CARS1: variants seen among roughly 807,000 people sequenced by gnomAD.
CARS1 encodes the protein cysteinyl-tRNA synthetase 1.
A neutral mutation model predicts 106.2 loss-of-function variants in CARS1; 48 were observed. The ratio of observed to expected loss-of-function variants is 0.45; its 90% confidence interval spans 0.36 to 0.57. The LOEUF (loss-of-function observed/expected upper bound fraction) is 0.57, where lower values mean the gene tolerates loss of function less well. CARS1 is among the 20% of genes least tolerant of loss of function. The probability of loss-of-function intolerance (pLI) is 0.00; values close to 1 mark genes in which losing one functional copy is unlikely to be tolerated. For missense variants in CARS1, 968 were observed against 1,057.2 expected, an observed-to-expected ratio of 0.92 and a Z score of 1.17; for synonymous variants, 409 against 403.4, an observed-to-expected ratio of 1.01 and a Z score of -0.17.
chr11:3,005,529 CGGT>C lies in CARS1; in HGVS notation c.2150-99_2150-97del. ...CCTGCCCTGCCCTGCCCAGACCATG[CGGT>C]GCTGCCCAGTCAGAGCGAGGGCCCA... On this transcript the variant is annotated intron_variant, in intron 19 of 22. Coordinates refer to ENST00000380525, the MANE Select transcript of CARS1 (RefSeq NM_001014437.3). 3 of 873,756 alleles carry C rather than the reference CGGT, an allele frequency of 3.4e-6. No homozygotes were observed. The Admixed American group carries it at 7.0e-5, about 20-fold the overall frequency. 54.1% of individuals were successfully genotyped at this position (873,756 alleles called of 1,614,324 possible). A position where few individuals can be genotyped will look rare whatever the true frequency, so the allele number is the denominator to read the frequency against.
chr11:3,006,983 C>T (rs1590323459), intron 18 of CARS1, 24 bp from the exon 19 acceptor site: 2 of 1,601,940 alleles, frequency 1.2e-6, no homozygotes, highest in Non-Finnish European at 1.7e-6. Flanking sequence ...AGAGCAGTTC[C>T]CTCAGACATG....
chr11:3,032,486 T>G (rs1852982391), intron 7 of CARS1, among the ~76,000 whole-genome samples: 1 of 152,154 alleles, frequency 6.6e-6, no homozygotes, highest in Non-Finnish European at 1.5e-5. Flanking sequence ...CGCTTCCTCC[T>G]GGCAAACTGT....
chr11:3,001,022 CT>C lies in CARS1; in HGVS notation c.*91del. ...CTCTTAATTTAGGACCCAAGGGTGA[CT>C]GTAAACATGATAGGAGCGCTGGGAC... On this transcript the variant is annotated 3_prime_UTR_variant, in exon 23 of 23. Coordinates refer to ENST00000380525, the MANE Select transcript of CARS1 (RefSeq NM_001014437.3). The C allele has an allele frequency of 7.0e-7, 1 of 1,430,112 alleles. No individual in the cohort carries two copies. The highest frequency in any genetic ancestry group is 1.2e-5 in the South Asian group (1 of 84,470). 88.6% of individuals were successfully genotyped at this position (1,430,112 alleles called of 1,614,324 possible).
Position 3,012,288 on chromosome 11 carries a change from A to G in CARS1, c.1987-12T>C, listed in dbSNP as rs571631653. On this transcript the variant is annotated splice_polypyrimidine_tract_variant and intron_variant, in intron 17 of 22. Transcript: ENST00000380525. ...ACTGTGGCCTCGAGCTGCGGAAAGA[A>G]CAGTTTTGGTTCACTGAGAGCTGCT... 2 of 1,613,544 alleles carry G rather than the reference A, an allele frequency of 1.2e-6. No individual in the cohort carries two copies. The highest frequency in any genetic ancestry group is 1.3e-5 in the African/African-American group (1 of 75,044).
rs185895441 is a variant in CARS1, at chr11:3,050,241, C to T, written c.26-2240G>A. ...GGGATGACTCTCGCTGGTGGGATGA[C>T]GAGTGCAGCGTCCCTCTAACTTGCC... On this transcript the variant is annotated intron_variant, in intron 1 of 22. Coordinates refer to ENST00000380525, the MANE Select transcript of CARS1 (RefSeq NM_001014437.3). This position sits in a 1 kb window ranked among gnomAD's most constrained non-coding sequence, Gnocchi z 6.3. 1.9e-3 allele frequency among the ~76,000 whole-genome samples: 289 copies of T among 152,196 alleles called. 2 individuals carry two copies. Among genetic ancestry groups the T allele is most frequent in the African/African-American group, 6.5e-3 (270 of 41,492 alleles).
At position 3,028,944 on chromosome 11, in the gene CARS1, C is replaced by T. The variant is rs1590417322; in HGVS notation, c.1031+52G>A. On this transcript the variant is annotated intron_variant, in intron 9 of 22. Coordinates refer to ENST00000380525, the MANE Select transcript of CARS1 (RefSeq NM_001014437.3). This position sits in a 1 kb window ranked among gnomAD's most constrained non-coding sequence, Gnocchi z 4.4. The stretch of plus-strand genomic sequence containing the variant: ...AGGCTCAGAGCTGGGGAGCTCCTCC[C>T]TGTGCGATGTTCTGCAGCCCTTCCC... 3.2e-6 allele frequency: 4 copies of T among 1,260,736 alleles called. No homozygotes were observed. The highest frequency in any genetic ancestry group is 3.5e-6 in the Non-Finnish European group (3 of 859,364). The allele number at this position is 1,260,736 out of a possible 1,614,324, so 78.1% of individuals were successfully genotyped here.
At position 3,039,079 on chromosome 11, in the gene CARS1, C is replaced by A; in HGVS notation, c.651+115G>T. 3 of 689,298 alleles carry A rather than the reference C, an allele frequency of 4.4e-6. No individual in the cohort carries two copies. Among genetic ancestry groups the A allele is most frequent in the South Asian group, 1.8e-5 (1 of 56,102 alleles). The allele number at this position is 689,298 out of a possible 1,614,324, so 42.7% of individuals were successfully genotyped here. On this transcript the variant is annotated intron_variant, in intron 6 of 22. Coordinates refer to ENST00000380525, the MANE Select transcript of CARS1 (RefSeq NM_001014437.3). The surrounding 1 kb of genome is among the most constrained non-coding windows in gnomAD (Gnocchi z 5.6). ...CCCCTGACGGAACTGGCTTGAGTAA[C>A]ATACACTTTGTGAAAGCCTGTGAGA...
chr11:3,049,707 G>A (rs563601683), intron 1 of CARS1, among the ~76,000 whole-genome samples: 1 of 152,314 alleles, frequency 6.6e-6, no homozygotes, highest in African/African-American at 2.4e-5. Flanking sequence ...CCTGGGCACA[G>A]GCTGCCCGAC....
chr11:3,032,501 G>C (rs569239844), intron 7 of CARS1, among the ~76,000 whole-genome samples: 1 of 152,302 alleles, frequency 6.6e-6, no homozygotes, highest in African/African-American at 2.4e-5. Context: ...AACTGTGTTG[G>C]AAATGAATTA....
At position 3,003,629 on chromosome 11, in the gene CARS1, A is replaced by C. The variant is rs1330364753; in HGVS notation, c.2218-1029T>G. 6.6e-6 allele frequency among the ~76,000 whole-genome samples: 1 copy of C among 152,154 alleles called. No individual in the cohort carries two copies. The highest frequency in any genetic ancestry group is 1.5e-5 in the Non-Finnish European group (1 of 67,996). ...GACTCAGGATGGGGCTGGGGCCAACAGGATCGAGCTCTTTCGAGATAGATG... is the reference window on the plus strand; with the variant it reads ...GACTCAGGATGGGGCTGGGGCCAACCGGATCGAGCTCTTTCGAGATAGATG... On this transcript the variant is annotated intron_variant, in intron 20 of 22. Coordinates refer to ENST00000380525, the MANE Select transcript of CARS1 (RefSeq NM_001014437.3). The surrounding 1 kb of genome is among the most constrained non-coding windows in gnomAD (Gnocchi z 4.8).
intron 1 of CARS1, among the ~76,000 whole-genome samples, chr11:3,051,795 C>A (rs1257531724): frequency 6.6e-6 from 1 of 152,224 alleles, no homozygotes; most frequent in Non-Finnish European, 1.5e-5. Context: ...TCTCCCCTGT[C>A]CCCTCCCTGA....
chr11:3,012,145 G>T (rs1286300489), intron 18 of CARS1, 50 bp downstream of exon 18: 18 of 1,513,776 alleles, frequency 1.2e-5, no homozygotes, highest in South Asian at 3.4e-5. Flanking sequence ...GGTCCGGGGA[G>T]CCCAGTGAGG....
At chr11:3,011,442 A>T (rs1274225506) in intron 18 of CARS1, among the ~76,000 whole-genome samples, 18 of 1,072 alleles carry the variant, frequency 0.017, no homozygotes, top group African/African-American at 0.074. Context: ...CATCTCTGCT[A>T]AAAAAAAAAA....
intron 22 of CARS1, 84 bp from the exon 23 acceptor site, chr11:3,001,332 A>G (rs1192254469): frequency 5.9e-6 from 9 of 1,513,996 alleles, no homozygotes; most frequent in Non-Finnish European, 7.2e-6. Flanking sequence ...CCCGTCTCAA[A>G]GTGTCTATCT....
At chr11:3,015,613 G>A (rs1017624382) in intron 17 of CARS1, among the ~76,000 whole-genome samples, 168 bp downstream of exon 17, 2 of 152,204 alleles carry the variant, frequency 1.3e-5, no homozygotes, top group African/African-American at 2.4e-5. Context: ...CAGGGCAGCT[G>A]ACCACACTTA....
Position 3,019,015 on chromosome 11 carries a change from A to C in CARS1, c.1395+124T>G, listed in dbSNP as rs1851308896. The C allele has an allele frequency of 8.3e-7, 1 of 1,204,242 alleles. No homozygotes were observed. The allele number at this position is 1,204,242 out of a possible 1,614,324, so 74.6% of individuals were successfully genotyped here. ...GATCAGGGTTCAGATTCCACCCACA[A>C]GCCCCGATGAAGGTGTCAAGTTCTA... On this transcript the variant is annotated intron_variant, in intron 12 of 22. Transcript: ENST00000380525. The surrounding 1 kb of genome is among the most constrained non-coding windows in gnomAD (Gnocchi z 6.2).
rs766848635 is a variant in CARS1, at chr11:3,038,080, G to A, written c.771C>T (p.Leu257=). Residue 257 remains leucine (L), a synonymous_variant, in exon 7 of 23, where the codon CTC becomes CTT. Transcript: ENST00000380525. This position sits in a 1 kb window ranked among gnomAD's most constrained non-coding sequence, Gnocchi z 4.0. ...CACAGCTGTTGACTTCCTCTCCCGTGAGTCTGGACTGCACAGCTTTCTCAA... is the reference window on the plus strand; with the variant it reads ...CACAGCTGTTGACTTCCTCTCCCGTAAGTCTGGACTGCACAGCTTTCTCAA... ...EPLEKAVQSR[L]TGEEVNSCVE... 20 of 1,613,856 alleles carry A rather than the reference G, an allele frequency of 1.2e-5. No individual in the cohort carries two copies. The South Asian group carries it at 1.9e-4, about 15-fold the overall frequency.
At position 3,022,169 on chromosome 11, in the gene CARS1, C is replaced by T. The variant is rs551190783; in HGVS notation, c.1154-1837G>A. Among the ~76,000 whole-genome samples the T allele has an allele frequency of 1.3e-5, 2 of 152,270 alleles. No homozygotes were observed. The highest frequency in any genetic ancestry group is 3.9e-4 in the East Asian group (2 of 5,186). On this transcript the variant is annotated intron_variant, in intron 10 of 22. Coordinates refer to ENST00000380525, the MANE Select transcript of CARS1 (RefSeq NM_001014437.3). This position sits in a 1 kb window ranked among gnomAD's most constrained non-coding sequence, Gnocchi z 4.9. ...AGCTCTAACTGAGAGTCACATAGCA[C>T]GCTGACCACCTGCTCCACCACTGTT...
Position 3,038,184 on chromosome 11 carries a change from A to G in CARS1, c.667T>C (p.Leu223=). 2 of 1,613,964 alleles carry G rather than the reference A, an allele frequency of 1.2e-6. No homozygotes were observed. Among genetic ancestry groups the G allele is most frequent in the Non-Finnish European group, 1.7e-6 (2 of 1,179,870 alleles). Residue 223 remains leucine, a synonymous_variant, in exon 7 of 23, where the codon TTA becomes CTA. Transcript: ENST00000380525. The surrounding 1 kb of genome is among the most constrained non-coding windows in gnomAD (Gnocchi z 4.0). ...TTATCGGGATCCGTGGTCTCATTTA[A>G]TTTTACTGAAAATGGCTGCAACCAT... is the stretch of plus-strand genomic sequence containing the variant. ...QAALKPFSVK[L]NETTDPDKKQ... is the part of the protein sequence containing the mutation.
Sources: allele counts gnomAD v4.1 joint callset (sites outside exome capture counted in the v4.1 genomes callset), GRCh38; gene constraint gnomAD v4.1.1; non-coding constraint Gnocchi (gnomAD v3.1); transcripts MANE v1.5; gene names NCBI Gene and HGNC (gene_info 2026-07-23, HGNC 2026-07-21).